The following AHI1 variants were observed in gnomAD, a reference collection of about 807,000 sequenced individuals.
AHI1 encodes the protein Abelson helper integration site 1.
AHI1 carries 123 observed loss-of-function variants against 149.3 expected under a neutral mutation model. The observed-to-expected ratio is 0.82, with a 90% confidence interval of 0.71 to 0.96. AHI1 has a LOEUF of 0.96. AHI1 is among the 40% of genes least tolerant of loss of function. The probability of loss-of-function intolerance (pLI) is 0.00; values close to 1 mark genes in which losing one functional copy is unlikely to be tolerated. For missense variants in AHI1, 1,439 were observed against 1,422.7 expected, an observed-to-expected ratio of 1.01 and a Z score of -0.18; for synonymous variants, 475 against 459.8, an observed-to-expected ratio of 1.03 and a Z score of -0.42.
chr6:135,300,731 T>G, intron 26 of AHI1, 173 bp from the exon 27 acceptor site: 1 of 1,250,254 alleles, frequency 8.0e-7, no homozygotes, highest in South Asian at 3.1e-5. Context: ...GACAATATAT[T>G]TGCTCCCATG....
intron 3 of AHI1, among the ~76,000 whole-genome samples, chr6:135,494,534 G>A (rs970136000): frequency 1.3e-5 from 2 of 152,170 alleles, no homozygotes; most frequent in African/African-American, 2.4e-5. Context: ...CACTCACAGT[G>A]TTTTTATAAA....
At chr6:135,458,233 G>A (rs1303495255) in intron 8 of AHI1, among the ~76,000 whole-genome samples, 2 of 152,212 alleles carry the variant, frequency 1.3e-5, no homozygotes, top group African/African-American at 4.8e-5. Context: ...TGGACTGGCA[G>A]CTGTTTTTGT....
intron 21 of AHI1, among the ~76,000 whole-genome samples, chr6:135,405,642 C>T (rs1223580120): frequency 2.6e-5 from 4 of 151,888 alleles, no homozygotes; most frequent in East Asian, 3.9e-4. Context: ...AGGCAGATCA[C>T]GAGGTCAAGA....
At chr6:135,379,666 C>T (rs1776412210) in intron 23 of AHI1, among the ~76,000 whole-genome samples, 1 of 152,138 alleles carries the variant, frequency 6.6e-6, no homozygotes, top group Non-Finnish European at 1.5e-5. Context: ...CTGAGTTCTG[C>T]ACTTCATTCC....
At chr6:135,401,372 C>T (rs1315030448) in intron 22 of AHI1, among the ~76,000 whole-genome samples, 3 of 152,116 alleles carry the variant, frequency 2.0e-5, no homozygotes, top group East Asian at 1.9e-4. Flanking sequence ...TAGAAAAATA[C>T]TTGGTAGATA....
At chr6:135,472,018 C>CAAAAAAAAAAAAAAAAAA (rs541390652) in intron 5 of AHI1, among the ~76,000 whole-genome samples, 25 of 54,424 alleles carry the variant, frequency 4.6e-4, no homozygotes, top group East Asian at 2.2e-3. Flanking sequence ...GACTCCGTCT[C>CAAAAAAAAAAAAAAAAAA]AAAAAAAAAA....
intron 27 of AHI1, among the ~76,000 whole-genome samples, chr6:135,297,901 C>T (rs1783338228): frequency 6.6e-6 from 1 of 151,972 alleles, no homozygotes; most frequent in African/African-American, 2.4e-5. Context: ...TTTATAGCCG[C>T]ACCATATTAA....
chr6:135,315,709 C>A (rs1403560817), intron 26 of AHI1, among the ~76,000 whole-genome samples: 1 of 152,176 alleles, frequency 6.6e-6, no homozygotes, highest in Non-Finnish European at 1.5e-5. Context: ...ACTAAGAAAT[C>A]TTTTTATATG....
At chr6:135,394,336 T>C (rs1778920527) in intron 23 of AHI1, among the ~76,000 whole-genome samples, 1 of 152,098 alleles carries the variant, frequency 6.6e-6, no homozygotes, top group Admixed American at 6.5e-5. Context: ...CAAGCTTTTT[T>C]GCATATTTTG....
At chr6:135,447,898 G>T (rs1381038669) in intron 12 of AHI1, among the ~76,000 whole-genome samples, 1 of 152,098 alleles carries the variant, frequency 6.6e-6, no homozygotes, top group East Asian at 1.9e-4. Flanking sequence ...ACACCCATTT[G>T]TTCAGTTATG....
chr6:135,411,675 A>G, intron 20 of AHI1, 131 bp from the exon 21 acceptor site: 1 of 587,460 alleles, frequency 1.7e-6, no homozygotes, highest in Non-Finnish European at 2.6e-6. Context: ...ATAAGACACC[A>G]TAACTAGCAA....
At chr6:135,394,945 C>T in intron 22 of AHI1, 49 bp from the exon 23 acceptor site, 1 of 1,550,694 alleles carries the variant, frequency 6.4e-7, no homozygotes, top group South Asian at 1.2e-5. Context: ...TCCTGGATTA[C>T]TAATGCAAAA....
intron 23 of AHI1, chr6:135,388,020 A>G: frequency 6.2e-7 from 1 of 1,613,832 alleles, no homozygotes; most frequent in Non-Finnish European, 8.5e-7. Flanking sequence ...TGTTGAATTC[A>G]GCAAAGTGAC....
chr6:135,467,682 T>A, intron 5 of AHI1, 48 bp from the exon 6 acceptor site: 2 of 1,364,968 alleles, frequency 1.5e-6, no homozygotes, highest in Non-Finnish European at 2.0e-6. Context: ...AGATTAGTTG[T>A]ATCAAGAAAA....
chr6:135,447,620 C>T (rs1307448684), intron 12 of AHI1, among the ~76,000 whole-genome samples: 2 of 152,166 alleles, frequency 1.3e-5, no homozygotes, highest in Non-Finnish European at 2.9e-5. Flanking sequence ...TACATATCAG[C>T]TACAGAACGT....
intron 20 of AHI1, among the ~76,000 whole-genome samples, chr6:135,415,687 C>T (rs1782270699): frequency 6.6e-6 from 1 of 152,140 alleles, no homozygotes; most frequent in Admixed American, 6.6e-5. Flanking sequence ...AGCATATGTC[C>T]ATACAAAGAC....
intron 5 of AHI1, among the ~76,000 whole-genome samples, chr6:135,479,078 G>A (rs1018567275): frequency 2.0e-5 from 3 of 152,260 alleles, no homozygotes; most frequent in Non-Finnish European, 2.9e-5. Context: ...ATGCTTGGAT[G>A]TCCAGGTAGA....
chr6:135,402,981 G>A (rs1183877401), intron 22 of AHI1, among the ~76,000 whole-genome samples: 1 of 152,086 alleles, frequency 6.6e-6, no homozygotes, highest in Admixed American at 6.5e-5. Context: ...ACTGATATAT[G>A]TTACAAATAG....
At chr6:135,437,683 C>T (rs765611704) in intron 15 of AHI1, among the ~76,000 whole-genome samples, 9 of 152,036 alleles carry the variant, frequency 5.9e-5, no homozygotes, top group Non-Finnish European at 1.0e-4. Flanking sequence ...ATGTCAGTTT[C>T]GTAGTGTGTG....
Sources: gnomAD v4.1 joint callset for allele counts (sites outside exome capture counted in the v4.1 genomes callset) on GRCh38, gnomAD v4.1.1 for gene constraint, MANE v1.5 for transcripts, NCBI Gene and HGNC (gene_info 2026-07-23, HGNC 2026-07-21) for gene names.